DTNBP1: variants seen among roughly 807,000 people sequenced by gnomAD.
The protein encoded by DTNBP1 is dystrobrevin binding protein 1, also known as dysbindin.
DTNBP1 carries 35 observed loss-of-function variants against 42.8 expected under a neutral mutation model. The observed-to-expected ratio is 0.82, with a 90% CI of 0.63 to 1.09. The LOEUF (loss-of-function observed/expected upper bound fraction) is 1.09. Ranked by LOEUF, DTNBP1 falls within the 50% of genes least tolerant of loss-of-function variation. The pLI, the probability that DTNBP1 is intolerant of heterozygous loss-of-function variation, is 0.00. For synonymous variants in DTNBP1, 171 were observed against 162.2 expected (o/e 1.05, Z -0.41); for missense variants, 457 against 424.2 (o/e 1.08, Z -0.68).
chr6:15,596,308 G>A (rs1776513057), intron 6 of DTNBP1, among the ~76,000 whole-genome samples: 1 of 152,140 alleles, frequency 6.6e-6, no homozygotes, highest in Admixed American at 6.5e-5. Context: ...GAAAGCTGCA[G>A]ACAGGATTCC....
At chr6:15,615,207 A>G in intron 6 of DTNBP1, 60 bp downstream of exon 6, 21 of 1,610,416 alleles carry the variant, frequency 1.3e-5, no homozygotes, top group Non-Finnish European at 1.7e-5. Context: ...AGTAGCATGT[A>G]AAGTAATATG....
intron 4 of DTNBP1, among the ~76,000 whole-genome samples, chr6:15,632,142 CTTTT>C (rs1434202820): frequency 6.6e-6 from 1 of 152,076 alleles, no homozygotes; most frequent in Non-Finnish European, 1.5e-5. Flanking sequence ...TTTTCATCCT[CTTTT>C]TATTGGTTTA....
At chr6:15,556,722 C>T (rs1246936388) in intron 7 of DTNBP1, among the ~76,000 whole-genome samples, 1 of 152,164 alleles carries the variant, frequency 6.6e-6, no homozygotes, top group Non-Finnish European at 1.5e-5. Context: ...TCCTCGCCTG[C>T]CCAGCCCCAT....
intron 6 of DTNBP1, among the ~76,000 whole-genome samples, chr6:15,607,384 C>T (rs1176367468): frequency 6.6e-6 from 1 of 152,180 alleles, no homozygotes; most frequent in Non-Finnish European, 1.5e-5. Context: ...TCACTGCAAC[C>T]TCCACCTCCG....
At position 15,593,088 on chromosome 6, in the gene DTNBP1, GAAAAA is replaced by G. The variant is rs199770715; in HGVS notation, c.489-12_489-8del. The stretch of plus-strand genomic sequence containing the variant: ...GAAGGTTTCAAGTTCCTTCCTGTAG[GAAAAA>G]AAAAAAAAAGACAAGACAATGCAAA... On this transcript the variant is annotated splice_region_variant and splice_polypyrimidine_tract_variant and intron_variant, in intron 6 of 9. Transcript: ENST00000344537. 18 of 1,346,918 alleles carry G rather than the reference GAAAAA, an allele frequency of 1.3e-5. No homozygotes were observed. The highest frequency in any genetic ancestry group is 2.5e-5 in the East Asian group (1 of 40,246). 83.4% of individuals were successfully genotyped at this position (1,346,918 alleles called of 1,614,324 possible).
At chr6:15,635,485 C>T (rs1759955203) in intron 4 of DTNBP1, among the ~76,000 whole-genome samples, 1 of 152,158 alleles carries the variant, frequency 6.6e-6, no homozygotes, top group Admixed American at 6.6e-5. Context: ...GTTGTACTTT[C>T]TGGATCTGAG....
intron 7 of DTNBP1, among the ~76,000 whole-genome samples, chr6:15,534,187 T>C (rs76120285): frequency 1.0e-3 from 152 of 152,168 alleles, no homozygotes; most frequent in African/African-American, 3.5e-3. Context: ...GCGTGGGAGC[T>C]TAGTGGTTAA....
chr6:15,641,128 T>C (rs1237485584), intron 3 of DTNBP1, among the ~76,000 whole-genome samples: 1 of 152,222 alleles, frequency 6.6e-6, no homozygotes, highest in East Asian at 1.9e-4. Context: ...CCTTTCTTTG[T>C]TCCCCTTTCC....
chr6:15,549,865 GGCCTTTGAA>G (rs1275547287), intron 7 of DTNBP1, among the ~76,000 whole-genome samples: 1 of 152,174 alleles, frequency 6.6e-6, no homozygotes, highest in African/African-American at 2.4e-5. Context: ...GAATCTGAAA[GGCCTTTGAA>G]GCTCAAGGAA....
intron 7 of DTNBP1, among the ~76,000 whole-genome samples, chr6:15,572,754 C>G (rs1471340287): frequency 6.6e-6 from 1 of 152,196 alleles, no homozygotes; most frequent in African/African-American, 2.4e-5. Context: ...TTTCTAGAGA[C>G]AGAGTCTTGC....
At chr6:15,625,993 G>T (rs1759317302) in intron 5 of DTNBP1, among the ~76,000 whole-genome samples, 1 of 152,122 alleles carries the variant, frequency 6.6e-6, no homozygotes, top group African/African-American at 2.4e-5. Flanking sequence ...CCTGCCTTCA[G>T]AAATAACAAA....
chr6:15,656,379 G>C (rs539211632), intron 1 of DTNBP1, among the ~76,000 whole-genome samples: 7 of 152,050 alleles, frequency 4.6e-5, no homozygotes, highest in Non-Finnish European at 1.0e-4. Context: ...CCTCAAATTC[G>C]TCATAAAGTT....
intron 5 of DTNBP1, among the ~76,000 whole-genome samples, chr6:15,621,544 T>G (rs1048922457): frequency 6.6e-6 from 1 of 152,348 alleles, no homozygotes; most frequent in South Asian, 2.1e-4. Context: ...TACATACTTC[T>G]GAATAGGACG....
chr6:15,636,332 T>G (rs1047092662), intron 4 of DTNBP1, among the ~76,000 whole-genome samples: 2 of 151,710 alleles, frequency 1.3e-5, no homozygotes, highest in African/African-American at 4.8e-5. Context: ...TGTATTTTTA[T>G]TAGAGATGGG....
rs16876581 is a variant in DTNBP1, at chr6:15,526,387, G to A, written c.668-1718C>T. 6.4e-3 allele frequency among the ~76,000 whole-genome samples: 977 copies of A among 152,334 alleles called. 18 individuals are homozygous for A. Among genetic ancestry groups the A allele is most frequent in the African/African-American group, 0.022 (929 of 41,568 alleles). On this transcript the variant is annotated intron_variant, in intron 8 of 9. Transcript: ENST00000344537. The stretch of plus-strand genomic sequence containing the variant: ...AGAGGAGGGTGCTTAGAGCCACAGC[G>A]ACGTGAGATTGCGGCTTCATCTGGG...
chr6:15,553,038 T>C (rs1044181859), intron 7 of DTNBP1, among the ~76,000 whole-genome samples: 2 of 152,202 alleles, frequency 1.3e-5, no homozygotes, highest in Admixed American at 6.5e-5. Context: ...AGTTTTTTGG[T>C]GTACGATCAT....
At chr6:15,574,632 G>A (rs1325548173) in intron 7 of DTNBP1, among the ~76,000 whole-genome samples, 2 of 152,156 alleles carry the variant, frequency 1.3e-5, no homozygotes, top group African/African-American at 4.8e-5. Flanking sequence ...ACATTCCTCA[G>A]CACACAGAGC....
At chr6:15,598,481 T>A (rs1462361832) in intron 6 of DTNBP1, among the ~76,000 whole-genome samples, 1 of 152,226 alleles carries the variant, frequency 6.6e-6, no homozygotes, top group South Asian at 2.1e-4. Flanking sequence ...TTAAGCATGA[T>A]CAGCAATACT....
intron 4 of DTNBP1, among the ~76,000 whole-genome samples, chr6:15,628,398 C>CTTTTTTTTTT (rs70996561): frequency 5.2e-5 from 4 of 77,062 alleles, no homozygotes; most frequent in Non-Finnish European, 7.1e-5. Context: ...GATTAAGGTT[C>CTTTTTTTTTT]TTTTTTTTTT....
Sources: gnomAD v4.1 joint callset for allele counts (sites outside exome capture counted in the v4.1 genomes callset) on GRCh38, gnomAD v4.1.1 for gene constraint, MANE v1.5 for transcripts, NCBI Gene and HGNC (gene_info 2026-07-23, HGNC 2026-07-21) for gene names.